The following BTD variants were observed in gnomAD, a reference collection of about 807,000 sequenced individuals.
BTD encodes the protein biocytinase.
In BTD, 13 loss-of-function variants were observed where a neutral mutation model predicts 17.7. The ratio of observed to expected loss-of-function variants is 0.74; its 90% confidence interval spans 0.48 to 1.17. The LOEUF is 1.17. BTD is among the 50% of genes most tolerant of loss of function. BTD has a pLI of 0.00. For missense variants in BTD, 674 were observed against 650.4 expected (o/e 1.04, Z -0.39); for synonymous variants, 240 against 245.2 (o/e 0.98, Z 0.20).
At chr3:15,623,827 C>T (rs888198310) in intron 1 of BTD, among the ~76,000 whole-genome samples, 2 of 152,230 alleles carry the variant, frequency 1.3e-5, no homozygotes, top group Non-Finnish European at 2.9e-5. Context: ...CTTGCTTCCC[C>T]TTTGCCCTTC....
At chr3:15,677,640 G>A (rs901637170) in intron 3 of BTD, 1 of 1,123,164 alleles carries the variant, frequency 8.9e-7, no homozygotes, top group Non-Finnish European at 1.3e-6. Flanking sequence ...GTAGAGAAAT[G>A]AAGATACAAA....
At chr3:15,669,999 C>G (rs1007415716) in intron 3 of BTD, 1 of 389,110 alleles carries the variant, frequency 2.6e-6, no homozygotes, top group Admixed American at 4.0e-5. Context: ...CCCAATTGTT[C>G]CTGGCACTGC....
chr3:15,715,454 T>G (rs530024182), downstream of BTD, among the ~76,000 whole-genome samples: 7 of 152,352 alleles, frequency 4.6e-5, no homozygotes, highest in African/African-American at 1.7e-4. Flanking sequence ...TAATAATAAT[T>G]AGAACATCAT....
At chr3:15,715,996 T>C (rs532197387), downstream of BTD, among the ~76,000 whole-genome samples, 35 of 148,810 alleles carry the variant, frequency 2.4e-4, no homozygotes, top group African/African-American at 7.6e-4. Context: ...TTTTCTCTCT[T>C]TTTTTTTTTT....
rs1470156291 is a variant in BTD at position 15,649,862 on chromosome 3, C to T, written c.*4374C>T. On this transcript the variant is annotated 3_prime_UTR_variant, in exon 4 of 4. Transcript: ENST00000643237. ...ACATGAGCCATGCCTAGAGTAGCCACCTAGTAGTGAGTGACAGCTCTGTGC... is the reference window on the plus strand; with the variant it reads ...ACATGAGCCATGCCTAGAGTAGCCATCTAGTAGTGAGTGACAGCTCTGTGC... 6.6e-6 allele frequency among the ~76,000 whole-genome samples: 1 copy of T among 152,202 alleles called. No homozygotes were observed. The highest frequency in any genetic ancestry group is 1.9e-4 in the East Asian group (1 of 5,200).
downstream of BTD, among the ~76,000 whole-genome samples, chr3:15,656,251 C>G (rs1394896929): frequency 2.6e-5 from 4 of 152,180 alleles, no homozygotes; most frequent in African/African-American, 9.7e-5. Context: ...TAGCCTACCC[C>G]CTTCCCATCA....
intron 1 of BTD, among the ~76,000 whole-genome samples, chr3:15,626,780 C>CAAA (rs374875165): frequency 0.03 from 2,839 of 94,444 alleles, 36 homozygotes; most frequent in Non-Finnish European, 0.035. Flanking sequence ...GACCCTGTCT[C>CAAA]AAAAAAAAAA....
At chr3:15,719,323 C>A (rs963248716) in intron 4 of BTD, among the ~76,000 whole-genome samples, 2 of 152,164 alleles carry the variant, frequency 1.3e-5, no homozygotes, top group Admixed American at 6.5e-5. Context: ...CTCTGAAAAT[C>A]ACATTTTAAG....
downstream of BTD, among the ~76,000 whole-genome samples, chr3:15,654,174 C>G (rs113123719): frequency 6.6e-6 from 1 of 152,208 alleles, no homozygotes; most frequent in Non-Finnish European, 1.5e-5. Context: ...GAAGAACTAA[C>G]AAGTTTAAAA....
intron 3 of BTD, among the ~76,000 whole-genome samples, chr3:15,710,020 A>G (rs977257312): frequency 1.7e-4 from 24 of 142,276 alleles, no homozygotes; most frequent in Non-Finnish European, 7.5e-5. Flanking sequence ...GGCTTTAGGA[A>G]ACAACTTGCT....
rs372687866 is a variant in BTD at position 15,644,639 on chromosome 3, C to T, written c.723C>T (p.Tyr241=). 3 of 1,614,066 alleles carry T rather than the reference C, an allele frequency of 1.9e-6. No individual in the cohort carries two copies. The highest frequency in any genetic ancestry group is 2.7e-5 in the African/African-American group (2 of 74,922). The part of the protein sequence containing the change: ...FDPAIRVLRD[Y]KVKHVVYPTA... ...CTGCCATCAGAGTCCTCAGAGACTA[C>T]AAGGTGAAGCATGTTGTGTACCCAA... The change falls in exon 4 of 4, where the codon TAC becomes TAT. Residue 241 remains tyrosine (Y), a synonymous_variant. Transcript: ENST00000643237.
chr3:15,657,445 A>T (rs2065882353), downstream of BTD, among the ~76,000 whole-genome samples: 1 of 152,240 alleles, frequency 6.6e-6, no homozygotes, highest in African/African-American at 2.4e-5. Context: ...CATTTTACAG[A>T]TGAAGAAACT....
intron 3 of BTD, among the ~76,000 whole-genome samples, chr3:15,688,846 C>G (rs554043749): frequency 2.6e-5 from 4 of 152,304 alleles, no homozygotes; most frequent in African/African-American, 9.6e-5. Flanking sequence ...ATAGTTCTTG[C>G]ATAAAGTGCT....
intron 3 of BTD, among the ~76,000 whole-genome samples, chr3:15,705,088 T>G (rs769039611): frequency 6.6e-6 from 1 of 152,164 alleles, no homozygotes; most frequent in Non-Finnish European, 1.5e-5. Flanking sequence ...ATTGGGTCTT[T>G]CGGATCCCAA....
intron 1 of BTD, among the ~76,000 whole-genome samples, chr3:15,606,012 TAGCCTG>T (rs2064439026): frequency 7.9e-6 from 1 of 127,334 alleles, no homozygotes. Context: ...CACTGTACTC[TAGCCTG>T]GGTGACAGAG....
At chr3:15,706,632 A>G (rs1390918363) in intron 3 of BTD, among the ~76,000 whole-genome samples, 3 of 152,078 alleles carry the variant, frequency 2.0e-5, no homozygotes, top group Admixed American at 6.6e-5. Flanking sequence ...GTCAAATGGT[A>G]TTTCTAGTTC....
At chr3:15,710,046 T>TC (rs2072022295) in intron 3 of BTD, among the ~76,000 whole-genome samples, 1 of 151,386 alleles carries the variant, frequency 6.6e-6, no homozygotes, top group African/African-American at 2.4e-5. Context: ...GTTTTTTTTT[T>TC]TTTCTTGAAA....
Position 15,625,785 on chromosome 3 carries a change from G to A in BTD, c.-16-9639G>A, listed in dbSNP as rs576045355. Among the ~76,000 whole-genome samples, 7 of 152,266 alleles carry A rather than the reference G, an allele frequency of 4.6e-5. 1 individual carries two copies. The South Asian group carries it at 6.2e-4, about 14-fold the overall frequency. The stretch of plus-strand genomic sequence containing the variant: ...TTAGCCAGGATGGTCTCGATCTCTT[G>A]ACCTCGTGATCTGCCTGCCTCGGCC... On this transcript the variant is annotated intron_variant, in intron 1 of 3. Coordinates refer to ENST00000643237, the MANE Select transcript of BTD (RefSeq NM_001370658.1).
Position 15,670,436 on chromosome 3 carries a change from G to A in BTD, c.399+28379G>A, listed in dbSNP as rs368838325. ...TGAGGTGTTGGTATAACGGTTAATGGCATTGAATGTTAAGGATGATAAAGG... is the reference window on the plus strand; with the variant it reads ...TGAGGTGTTGGTATAACGGTTAATGACATTGAATGTTAAGGATGATAAAGG... On this transcript the variant is annotated intron_variant, in intron 3 of 3. Coordinates refer to the BTD transcript ENST00000672141. The A allele has an allele frequency of 2.0e-5, 32 of 1,613,844 alleles. No homozygotes were observed. In the Middle Eastern group the frequency reaches 4.9e-4, roughly 25 times the overall value.
Sources: gnomAD v4.1 joint callset for allele counts (sites outside exome capture counted in the v4.1 genomes callset) on GRCh38, gnomAD v4.1.1 for gene constraint, MANE v1.5 for transcripts, NCBI Gene and HGNC (gene_info 2026-07-23, HGNC 2026-07-21) for gene names.